Variants in PHF8 observed in about 807,000 individuals in gnomAD.
The protein encoded by PHF8 is PHD finger protein 8, also known as histone lysine demethylase PHF8.
In PHF8, 9 loss-of-function variants were observed where a neutral mutation model predicts 74.4. The ratio of observed to expected loss-of-function variants is 0.12; its 90% CI spans 0.07 to 0.21. PHF8 has a LOEUF of 0.21. Among genes scored for constraint, PHF8 ranks in the 10% least tolerant of loss-of-function variants. The pLI is 1.00. For synonymous variants in PHF8, 311 were observed against 316.6 expected, an observed-to-expected ratio of 0.98 and a Z score of 0.19; for missense variants, 478 against 816.6, an observed-to-expected ratio of 0.59 and a Z score of 5.05.
intron 1 of PHF8, among the ~76,000 whole-genome samples, 179 bp downstream of exon 1, chrX:54,043,583 G>A (rs1393585139): frequency 9.0e-6 from 1 of 111,215 alleles, no homozygotes; most frequent in Non-Finnish European, 1.9e-5. Flanking sequence ...AAACTGACTA[G>A]AATTTCCTCA....
chrX:53,947,069 T>TG (rs2149776937), intron 19 of PHF8, among the ~76,000 whole-genome samples: 1 of 111,773 alleles, frequency 8.9e-6, no homozygotes, highest in South Asian at 3.8e-4. Context: ...TAGAGTGCAG[T>TG]GGGGTCATCT....
intron 18 of PHF8, 102 bp downstream of exon 18, chrX:53,984,812 A>C (rs2065534482): frequency 3.0e-6 from 2 of 668,247 alleles, no homozygotes; most frequent in South Asian, 4.3e-5. Context: ...GCTTAAGACC[A>C]GGACTTTGTT....
chrX:54,046,313 G>A (rs182538638), upstream of PHF8, among the ~76,000 whole-genome samples: 57 of 110,853 alleles, frequency 5.1e-4, no homozygotes, highest in African/African-American at 1.9e-3. Context: ...AGCCGGGCGC[G>A]GTGGCTCATG....
intron 2 of PHF8, among the ~76,000 whole-genome samples, chrX:54,029,750 G>A (rs1557112177): frequency 2.7e-5 from 3 of 111,975 alleles, no homozygotes; most frequent in South Asian, 7.4e-4. Context: ...GAACCTGTTC[G>A]GGGAGGTAGA....
intron 17 of PHF8, 50 bp downstream of exon 17, chrX:53,985,766 G>T: frequency 8.3e-7 from 1 of 1,210,976 alleles, no homozygotes; most frequent in Non-Finnish European, 1.1e-6. Context: ...GGCGGGAGCG[G>T]GGGTTGCTGT....
intron 20 of PHF8, among the ~76,000 whole-genome samples, chrX:53,941,070 G>A (rs988256862): frequency 2.7e-5 from 3 of 112,023 alleles, no homozygotes; most frequent in African/African-American, 9.7e-5. Flanking sequence ...AAATCTGAGC[G>A]TAGAAAGATT....
rs1005071424 is a variant in PHF8 at position 53,938,454 on chromosome X, C to G, written c.*704G>C. ...AGCTTCCTCCAACAGGCTACAAAAC[C>G]GTGGTCAAAGGCTTGGGCATCTGAC... On this transcript the variant is annotated 3_prime_UTR_variant, in exon 22 of 22. Transcript: ENST00000338154. 1.3e-6 allele frequency: 1 copy of G among 778,936 alleles called. No individual in the cohort carries two copies. Among genetic ancestry groups the G allele is most frequent in the Non-Finnish European group, 1.5e-6 (1 of 655,620 alleles). 64.2% of individuals were successfully genotyped at this position (778,936 alleles called of 1,213,427 possible). A position where few individuals can be genotyped will look rare whatever the true frequency, so the allele number is the denominator to read the frequency against.
intron 10 of PHF8, among the ~76,000 whole-genome samples, chrX:54,000,353 A>G (rs1317644729): frequency 9.0e-6 from 1 of 111,525 alleles, no homozygotes; most frequent in Non-Finnish European, 1.9e-5. Context: ...AAATGAGAAC[A>G]CTCAGGAGGA....
At chrX:53,962,719 C>T (rs1183666410) in intron 19 of PHF8, 125 bp downstream of exon 19, 3 of 531,405 alleles carry the variant, frequency 5.6e-6, no homozygotes, top group African/African-American at 2.3e-5. Flanking sequence ...AGACACTCAA[C>T]AAATGTTTGC....
chrX:53,960,322 G>A (rs1302639233), intron 19 of PHF8, among the ~76,000 whole-genome samples: 7 of 107,744 alleles, frequency 6.5e-5, no homozygotes, highest in East Asian at 3.1e-4. Context: ...TGATCCACCC[G>A]CCTCGGCCTC....
At chrX:54,018,435 G>A (rs2066107576) in intron 4 of PHF8, among the ~76,000 whole-genome samples, 1 of 104,995 alleles carries the variant, frequency 9.5e-6, no homozygotes, top group African/African-American at 3.5e-5. Context: ...CAGCCTGGGT[G>A]ACAGAGAGAG....
chrX:54,006,272 A>G (rs377582447), intron 8 of PHF8, among the ~76,000 whole-genome samples: 10 of 110,778 alleles, frequency 9.0e-5, no homozygotes, highest in African/African-American at 3.3e-4. Flanking sequence ...ACTTGAGCTC[A>G]GGAGTTCAAG....
chrX:54,021,757 C>T (rs1210561036), intron 4 of PHF8, among the ~76,000 whole-genome samples: 1 of 110,344 alleles, frequency 9.1e-6, no homozygotes, highest in Non-Finnish European at 1.9e-5. Context: ...CGTGAGCCAC[C>T]GCGCCCGGCC....
chrX:54,041,210 T>C (rs1466592796), intron 2 of PHF8, among the ~76,000 whole-genome samples: 1 of 108,079 alleles, frequency 9.3e-6, no homozygotes, highest in Non-Finnish European at 1.9e-5. Context: ...TGAAACTCCA[T>C]CTCTATCAAA....
intron 18 of PHF8, among the ~76,000 whole-genome samples, chrX:53,977,184 A>C (rs2065392906): frequency 9.1e-6 from 1 of 110,467 alleles, no homozygotes; most frequent in East Asian, 2.8e-4. Flanking sequence ...GAAAAAAAAA[A>C]TTAGCTGGGG....
At chrX:53,952,274 ACT>A (rs1303524481) in intron 19 of PHF8, among the ~76,000 whole-genome samples, 3 of 100,051 alleles carry the variant, frequency 3.0e-5, no homozygotes, top group Non-Finnish European at 6.0e-5. Context: ...ACAGTGCGAG[ACT>A]CTGTCTCAAA....
At chrX:53,967,103 C>A (rs1457865934) in intron 18 of PHF8, among the ~76,000 whole-genome samples, 1 of 110,577 alleles carries the variant, frequency 9.0e-6, no homozygotes, top group Non-Finnish European at 1.9e-5. Flanking sequence ...AAGTGAGGAG[C>A]GTCTCTGCCT....
chrX:53,940,069 T>G lies in PHF8; in HGVS notation c.2986+111A>C, dbSNP rs1452570731. 15 of 561,198 alleles carry G rather than the reference T, an allele frequency of 2.7e-5. No homozygotes were observed. In the Admixed American group the frequency reaches 3.9e-4, roughly 15 times the overall value. 46.2% of individuals were successfully genotyped at this position (561,198 alleles called of 1,213,427 possible). ...GCCCATAAGATCAAATCCAAGCACCTTAGGTTGGCCTTCAGTGTCCCTCCC... is the reference window on the plus strand; with the variant it reads ...GCCCATAAGATCAAATCCAAGCACCGTAGGTTGGCCTTCAGTGTCCCTCCC... On this transcript the variant is annotated intron_variant, in intron 21 of 21. Transcript: ENST00000338154.
intron 19 of PHF8, among the ~76,000 whole-genome samples, chrX:53,950,082 T>C (rs1386759455): frequency 1.8e-5 from 2 of 111,400 alleles, no homozygotes; most frequent in African/African-American, 6.5e-5. Context: ...TGGAAAGCAC[T>C]TGATTCAAGA....
Sources: gnomAD v4.1 joint callset for allele counts (sites outside exome capture counted in the v4.1 genomes callset) on GRCh38, gnomAD v4.1.1 for gene constraint, MANE v1.5 for transcripts, NCBI Gene and HGNC (gene_info 2026-07-23, HGNC 2026-07-21) for gene names.